SORCS3: variants seen among roughly 807,000 people sequenced by gnomAD.
The protein encoded by SORCS3 is sortilin related VPS10 domain containing receptor 3.
Under a neutral mutation model 146.3 loss-of-function variants are expected in SORCS3, and 57 were observed. The ratio of observed to expected loss-of-function variants is 0.39; its 90% confidence interval spans 0.31 to 0.49. The LOEUF (loss-of-function observed/expected upper bound fraction) is 0.49. Ranked by LOEUF, SORCS3 falls within the 20% of genes least tolerant of loss-of-function variation. SORCS3 has a pLI of 0.92. For synonymous variants in SORCS3, 653 were observed against 618.5 expected (o/e 1.06, Z -0.83); for missense variants, 1,341 against 1,575.5 (o/e 0.85, Z 2.52).
At chr10:105,136,521 G>T (rs1336878940) in intron 7 of SORCS3, among the ~76,000 whole-genome samples, 1 of 152,146 alleles carries the variant, frequency 6.6e-6, no homozygotes, top group Non-Finnish European at 1.5e-5. Context: ...TCACAACCTT[G>T]TAATAAACTA....
chr10:105,210,612 T>G (rs1045453581), intron 16 of SORCS3, among the ~76,000 whole-genome samples: 1 of 152,202 alleles, frequency 6.6e-6, no homozygotes, highest in African/African-American at 2.4e-5. Context: ...GCTAGGATTT[T>G]AAAGAAACAC....
chr10:104,852,818 A>G (rs2018287716), intron 2 of SORCS3, among the ~76,000 whole-genome samples: 1 of 152,206 alleles, frequency 6.6e-6, no homozygotes, highest in South Asian at 2.1e-4. Context: ...TCTGGCACTT[A>G]CTAATGAGCT....
At chr10:105,200,145 G>C in intron 15 of SORCS3, 29 bp downstream of exon 15, 5 of 1,562,784 alleles carry the variant, frequency 3.2e-6, no homozygotes, top group Non-Finnish European at 4.4e-6. Context: ...TGGAGTGCTG[G>C]CTTTGAGGAG....
intron 2 of SORCS3, among the ~76,000 whole-genome samples, chr10:104,880,725 AC>A: frequency 6.6e-6 from 1 of 151,836 alleles, no homozygotes; most frequent in South Asian, 2.1e-4. Context: ...TCTATTAGAA[AC>A]CCTGCTTTCC....
intron 1 of SORCS3, among the ~76,000 whole-genome samples, chr10:104,740,538 G>A (rs2016829262): frequency 1.3e-5 from 2 of 152,206 alleles, no homozygotes; most frequent in African/African-American, 2.4e-5. Context: ...ATATTAAATT[G>A]TTGCTTTCTT....
chr10:105,049,645 A>T (rs1046549778), intron 5 of SORCS3, among the ~76,000 whole-genome samples: 2 of 152,130 alleles, frequency 1.3e-5, no homozygotes, highest in African/African-American at 4.8e-5. Flanking sequence ...CATTTTGAAG[A>T]ATAAAATCAT....
chr10:104,969,303 T>TTGTGTGTG lies in SORCS3; in HGVS notation c.796-8001_796-7994dup, dbSNP rs59557629. Reference sequence around the variant, plus strand: ...TTCTCAGAGATGCTTTCAAAAAGGATTGTGTGTGTGTGTGTGTGTGTGTGT... The same window carrying TTGTGTGTG: ...TTCTCAGAGATGCTTTCAAAAAGGATTGTGTGTGTGTGTGTGTGTGTGTGTGTGTGTGT... On this transcript the variant is annotated intron_variant, in intron 3 of 26. Transcript: ENST00000369701. 1.6e-3 allele frequency among the ~76,000 whole-genome samples: 230 copies of TTGTGTGTG among 140,650 alleles called. 2 individuals are homozygous for TTGTGTGTG. The highest frequency in any genetic ancestry group is 3.9e-3 in the African/African-American group (149 of 37,780). 92.3% of individuals were successfully genotyped at this position (140,650 alleles called of 152,430 possible).
At chr10:105,076,190 C>T (rs1017136254) in intron 5 of SORCS3, among the ~76,000 whole-genome samples, 3 of 152,042 alleles carry the variant, frequency 2.0e-5, no homozygotes, top group African/African-American at 7.2e-5. Flanking sequence ...TATAACTTGC[C>T]CAAGGTAACA....
At chr10:104,918,179 T>A (rs548709428) in intron 3 of SORCS3, among the ~76,000 whole-genome samples, 1 of 152,334 alleles carries the variant, frequency 6.6e-6, no homozygotes, top group South Asian at 2.1e-4. Context: ...AATATGCCTA[T>A]GCCACAAAAA....
At chr10:104,743,153 T>A (rs773228596) in intron 1 of SORCS3, among the ~76,000 whole-genome samples, 4 of 152,152 alleles carry the variant, frequency 2.6e-5, no homozygotes, top group Non-Finnish European at 5.9e-5. Context: ...GGAACTTGGC[T>A]CTTCAGACTC....
chr10:104,740,129 C>T (rs764222206), intron 1 of SORCS3, among the ~76,000 whole-genome samples: 2 of 152,090 alleles, frequency 1.3e-5, no homozygotes, highest in Non-Finnish European at 2.9e-5. Flanking sequence ...TTTTGCAGTG[C>T]GTACTAACAA....
intron 1 of SORCS3, among the ~76,000 whole-genome samples, chr10:104,662,117 TAG>T (rs1468973468): frequency 6.6e-6 from 1 of 152,106 alleles, no homozygotes; most frequent in Non-Finnish European, 1.5e-5. Context: ...GGTAATGAAA[TAG>T]AGGAAAATAC....
intron 13 of SORCS3, among the ~76,000 whole-genome samples, chr10:105,168,348 A>G (rs1280853652): frequency 6.6e-6 from 1 of 152,198 alleles, no homozygotes; most frequent in East Asian, 1.9e-4. Flanking sequence ...GACGACGATG[A>G]CAACGATGAC....
chr10:104,791,207 G>C (rs1218084684), intron 1 of SORCS3, among the ~76,000 whole-genome samples: 2 of 152,328 alleles, frequency 1.3e-5, no homozygotes, highest in Admixed American at 1.3e-4. Context: ...CCGAGGAGGG[G>C]GCCTGTGGTG....
intron 1 of SORCS3, among the ~76,000 whole-genome samples, chr10:104,710,982 T>C (rs1243978137): frequency 6.6e-6 from 1 of 152,206 alleles, no homozygotes; most frequent in Non-Finnish European, 1.5e-5. Context: ...GGATCATCCA[T>C]TGCAAATATT....
chr10:104,875,207 A>T (rs2018559247), intron 2 of SORCS3, among the ~76,000 whole-genome samples: 1 of 152,194 alleles, frequency 6.6e-6, no homozygotes, highest in Non-Finnish European at 1.5e-5. Context: ...CCAAGCCAAG[A>T]GTGTTGTTTG....
chr10:105,245,421 C>T (rs1384439373), intron 20 of SORCS3, 121 bp from the exon 21 acceptor site: 31 of 1,173,176 alleles, frequency 2.6e-5, no homozygotes, highest in Non-Finnish European at 3.8e-5. Flanking sequence ...AACGGTATAA[C>T]GTTTGTTTGT....
chr10:104,648,791 T>C (rs551768185), intron 1 of SORCS3, among the ~76,000 whole-genome samples: 101 of 152,332 alleles, frequency 6.6e-4, no homozygotes, highest in Non-Finnish European at 1.1e-3. Context: ...AAATGTTCTA[T>C]AGTAAATTTG....
intron 3 of SORCS3, among the ~76,000 whole-genome samples, chr10:104,940,662 G>T (rs1027812753): frequency 3.3e-5 from 5 of 152,018 alleles, no homozygotes; most frequent in African/African-American, 1.2e-4. Context: ...ATTTGGATTG[G>T]TTCCAAGTCT....
Sources: allele counts gnomAD v4.1 joint callset (sites outside exome capture counted in the v4.1 genomes callset), GRCh38; gene constraint gnomAD v4.1.1; transcripts MANE v1.5; gene names NCBI Gene and HGNC (gene_info 2026-07-23, HGNC 2026-07-21).